SP140: variants seen among roughly 807,000 people sequenced by gnomAD.
The protein encoded by SP140 is SP140 nuclear body protein.
SP140 carries 81 observed loss-of-function variants against 125.0 expected under a neutral mutation model. That is an observed-to-expected ratio of 0.65 (90% confidence interval 0.54 to 0.78). The LOEUF is 0.78. SP140 is among the 30% of genes least tolerant of loss of function. The pLI is 0.00. For missense variants in SP140, 858 were observed against 1,037.0 expected (o/e 0.83, Z 2.37); for synonymous variants, 312 against 354.0 (o/e 0.88, Z 1.33).
chr2:230,229,428 A>G lies in SP140; in HGVS notation c.59+3525A>G, dbSNP rs116203431. ...ATGTAAATCTGAGTTTCTGGCCCAC[A>G]TCATTTTTCCCTTTGCATGAAGAAA... On this transcript the variant is annotated intron_variant, in intron 1 of 26. Transcript: ENST00000392045. 5.9e-3 allele frequency among the ~76,000 whole-genome samples: 799 copies of G among 134,292 alleles called. 1 individual carries two copies. The highest frequency in any genetic ancestry group is 0.011 in the Non-Finnish European group (650 of 61,786). The allele number at this position is 134,292 out of a possible 152,430, so 88.1% of individuals were successfully genotyped here.
intron 1 of SP140, chr2:230,213,080 G>T: frequency 6.3e-7 from 1 of 1,583,020 alleles, no homozygotes; most frequent in South Asian, 1.1e-5. Context: ...AGAATTACTT[G>T]GGGAAGGGGA....
chr2:230,287,917 C>A lies in SP140; in HGVS notation c.1671C>A (p.Thr557=). The change falls in exon 18 of 27, where the codon ACC becomes ACA. Residue 557 remains threonine (T), a synonymous_variant. Coordinates refer to ENST00000392045, the MANE Select transcript of SP140 (RefSeq NM_007237.5). ...GGAGAAAGAGAGGCAAACCTGGAAC[C>A]CGCTTCACTCAGAGTGACAGAGCTG... ...IRGRKRGKPG[T]RFTQSDRAAQ... The A allele has an allele frequency of 6.2e-7, 1 of 1,612,010 alleles. No homozygotes were observed. The highest frequency in any genetic ancestry group is 1.3e-5 in the African/African-American group (1 of 74,918).
At chr2:230,208,179 C>G (rs2148897560) in intron 1 of SP140, 1 of 667,338 alleles carries the variant, frequency 1.5e-6, no homozygotes. Context: ...CATTGGTGAC[C>G]TTAGGTGATG....
chr2:230,309,835 C>A, intron 22 of SP140, 89 bp from the exon 23 acceptor site: 2 of 1,361,684 alleles, frequency 1.5e-6, no homozygotes, highest in Admixed American at 1.7e-5. Context: ...TGCAGGTTCA[C>A]ACAAAGGCAG....
intron 12 of SP140, among the ~76,000 whole-genome samples, chr2:230,264,623 G>A (rs952954161): frequency 2.0e-5 from 3 of 152,198 alleles, no homozygotes; most frequent in Non-Finnish European, 2.9e-5. Flanking sequence ...GGAGGGTCTA[G>A]GGCTGAAGGT....
chr2:230,243,671 G>T, intron 4 of SP140, 60 bp from the exon 5 acceptor site: 3 of 1,353,570 alleles, frequency 2.2e-6, no homozygotes, highest in Non-Finnish European at 3.1e-6. Flanking sequence ...TTGTTTTCTT[G>T]TTTTGATGGC....
chr2:230,220,365 T>A (rs1244834416), intron 3 of SP140, among the ~76,000 whole-genome samples: 2 of 152,194 alleles, frequency 1.3e-5, no homozygotes, highest in Non-Finnish European at 2.9e-5. Context: ...CATAACTGAA[T>A]GAATTCACTG....
chr2:230,243,656 A>G, intron 4 of SP140, 75 bp from the exon 5 acceptor site: 1 of 1,206,852 alleles, frequency 8.3e-7, no homozygotes, highest in South Asian at 1.3e-5. Context: ...TAGTTTTCTC[A>G]TTATTTGTTT....
At chr2:230,239,775 C>A (rs9288661) in intron 3 of SP140, among the ~76,000 whole-genome samples, 1 of 151,996 alleles carries the variant, frequency 6.6e-6, no homozygotes, top group Non-Finnish European at 1.5e-5. Flanking sequence ...TTTTGTCCCA[C>A]GTTTTTAATC....
intron 1 of SP140, among the ~76,000 whole-genome samples, chr2:230,206,089 C>A (rs2043767742): frequency 6.6e-6 from 1 of 152,082 alleles, no homozygotes; most frequent in Admixed American, 6.5e-5. Flanking sequence ...AAAAGGACAC[C>A]AGCCCTGTGA....
At chr2:230,273,620 C>A (rs1421590025) in intron 15 of SP140, among the ~76,000 whole-genome samples, 1 of 152,130 alleles carries the variant, frequency 6.6e-6, no homozygotes, top group Admixed American at 6.6e-5. Context: ...GAATATAAAT[C>A]ATTCTATTAT....
At chr2:230,297,554 T>C (rs573391211) in intron 22 of SP140, 92 bp downstream of exon 22, 1 of 1,444,832 alleles carries the variant, frequency 6.9e-7, no homozygotes, top group South Asian at 1.2e-5. Context: ...GCCTGAATCA[T>C]GTTCAGTCTC....
rs573064771 is a variant in SP140 at position 230,214,851 on chromosome 2, C to G, written c.-91+777C>G. 101 of 976,222 alleles carry G rather than the reference C, an allele frequency of 1.0e-4. No individual in the cohort carries two copies. The African/African-American group carries it at 1.5e-3, about 15-fold the overall frequency. 60.5% of individuals were successfully genotyped at this position (976,222 alleles called of 1,614,324 possible). A position where few individuals can be genotyped will look rare whatever the true frequency, so the allele number is the denominator to read the frequency against. On this transcript the variant is annotated intron_variant, in intron 3 of 4. Coordinates refer to the SP140 transcript ENST00000456542. The stretch of plus-strand genomic sequence containing the variant: ...GGTCCATTCCACCCCAGAGAGAAGG[C>G]GGGGGATTAACGTGCATATTCCACA...
chr2:230,279,382 A>G (rs561861147), intron 15 of SP140, among the ~76,000 whole-genome samples: 1 of 152,276 alleles, frequency 6.6e-6, no homozygotes, highest in Non-Finnish European at 1.5e-5. Context: ...AAAAGGAAAC[A>G]AACTGGAGGC....
chr2:230,288,796 A>T (rs1394055091), intron 18 of SP140, among the ~76,000 whole-genome samples: 1 of 152,094 alleles, frequency 6.6e-6, no homozygotes, highest in Non-Finnish European at 1.5e-5. Context: ...AAAGGACAGG[A>T]ACTCATTCTT....
chr2:230,246,485 A>G (rs2149182839), intron 7 of SP140, among the ~76,000 whole-genome samples: 1 of 152,306 alleles, frequency 6.6e-6, no homozygotes, highest in South Asian at 2.1e-4. Flanking sequence ...TCTCGAGGTT[A>G]TGCCAACAGC....
rs6749386 is a variant in SP140, at chr2:230,212,645, A to G, written c.-322-1009A>G. On this transcript the variant is annotated intron_variant, in intron 1 of 4. Transcript: ENST00000456542. ...CTTGAAAAGGGTTGTGTTTGGGTAG[A>G]TGGGTGCAAGAGAAGAACTAGGACA... is the stretch of plus-strand genomic sequence containing the variant. 1,220,814 of 1,367,506 alleles carry G rather than the reference A, an allele frequency of 0.89. 546,143 individuals are homozygous for G. Among genetic ancestry groups the G allele is most frequent in the East Asian group, 1 (43,682 of 43,720 alleles). The allele number at this position is 1,367,506 out of a possible 1,614,324, so 84.7% of individuals were successfully genotyped here.
At chr2:230,229,267 C>T (rs2046895100) in intron 1 of SP140, among the ~76,000 whole-genome samples, 1 of 151,610 alleles carries the variant, frequency 6.6e-6, no homozygotes, top group Non-Finnish European at 1.5e-5. Context: ...TTATTTATGT[C>T]CCATAACCAC....
chr2:230,308,154 C>T (rs1293121461), intron 22 of SP140, among the ~76,000 whole-genome samples: 6 of 151,566 alleles, frequency 4.0e-5, no homozygotes, highest in East Asian at 3.9e-4. Context: ...AACCAAACAA[C>T]GTGTGTTCTC....
Sources: allele counts gnomAD v4.1 joint callset (sites outside exome capture counted in the v4.1 genomes callset), GRCh38; gene constraint gnomAD v4.1.1; transcripts MANE v1.5; gene names NCBI Gene and HGNC (gene_info 2026-07-23, HGNC 2026-07-21).